Variants in ERN2 observed in about 807,000 individuals in gnomAD.
ERN2 encodes serine/threonine-protein kinase/endoribonuclease IRE2.
Under a neutral mutation model 107.9 loss-of-function variants are expected in ERN2, and 111 were observed. That is an observed-to-expected ratio of 1.03 (90% CI 0.88 to 1.20). The LOEUF (loss-of-function observed/expected upper bound fraction) is 1.20, where lower values mean the gene tolerates loss of function less well. ERN2 is among the 50% of genes most tolerant of loss of function. The pLI is 0.00. For synonymous variants in ERN2, 524 were observed against 501.7 expected (o/e 1.04, Z -0.59); for missense variants, 1,225 against 1,197.9 (o/e 1.02, Z -0.33).
intron 17 of ERN2, among the ~76,000 whole-genome samples, chr16:23,693,972 T>C (rs1959700496): frequency 1.3e-5 from 2 of 152,088 alleles, no homozygotes; most frequent in South Asian, 2.1e-4. Context: ...TCACGGGGTG[T>C]GGGGCCTGGG....
At chr16:23,705,908 CA>C (rs1335726672) in intron 7 of ERN2, among the ~76,000 whole-genome samples, 1 of 151,966 alleles carries the variant, frequency 6.6e-6, no homozygotes, top group Non-Finnish European at 1.5e-5. Flanking sequence ...AGTGAGACCC[CA>C]TCTCACAAAA....
Position 23,701,081 on chromosome 16 carries a change from A to G in ERN2, c.1237T>C (p.Ser413Pro), listed in dbSNP as rs201308255. ...LSLSREKLWD[S>P]ELHPEEKTPD... ...GTTTTTTCTTCTGGATGCAGCTCGGAGTCCCAAAGTTTCTCTCGGCTCAGG... is the reference window on the plus strand; with the variant it reads ...GTTTTTTCTTCTGGATGCAGCTCGGGGTCCCAAAGTTTCTCTCGGCTCAGG... The change falls in exon 12 of 22, where the codon TCC becomes CCC. Residue 413 changes from serine to proline, a missense_variant. Transcript: ENST00000256797. 37 of 1,614,036 alleles carry G rather than the reference A, an allele frequency of 2.3e-5. No individual in the cohort carries two copies. Among genetic ancestry groups the G allele is most frequent in the Admixed American group, 1.3e-4 (8 of 59,998 alleles).
chr16:23,701,343 A>G (rs1960057209), intron 11 of ERN2, among the ~76,000 whole-genome samples: 1 of 152,214 alleles, frequency 6.6e-6, no homozygotes, highest in South Asian at 2.1e-4. Flanking sequence ...TAAAAAATAC[A>G]GGTACTCTTG....
rs7200215 is a variant in ERN2, at chr16:23,707,229, T to A, written c.307-150A>T. 5.4e-3 allele frequency: 3,559 copies of A among 659,074 alleles called. 90 individuals are homozygous for A. In the African/African-American group the frequency reaches 0.056, roughly 10 times the overall value. The allele number at this position is 659,074 out of a possible 1,614,324, so 40.8% of individuals were successfully genotyped here. On this transcript the variant is annotated intron_variant, in intron 4 of 21. Coordinates refer to ENST00000256797, the MANE Select transcript of ERN2 (RefSeq NM_033266.4). ...AGGAAACTGGGGCTTGGAGAGGCCA[T>A]GTAACTTGGCTAATGTCACACAGCT...
rs369510858 is a variant in ERN2, at chr16:23,707,089, G to T, written c.307-10C>A. On this transcript the variant is annotated splice_polypyrimidine_tract_variant and intron_variant, in intron 4 of 21. Coordinates refer to ENST00000256797, the MANE Select transcript of ERN2 (RefSeq NM_033266.4). ...TGGTGAATGGCAGTTTCTAGGAGAC[G>T]GAAAATTTACAGGAAGGAGTAAGAG... 4 of 1,610,258 alleles carry T rather than the reference G, an allele frequency of 2.5e-6. No individual in the cohort carries two copies. The highest frequency in any genetic ancestry group is 3.4e-6 in the Non-Finnish European group (4 of 1,176,574).
Position 23,695,230 on chromosome 16 carries a change from G to A in ERN2, c.1770C>T (p.Ala590=). Residue 590 remains alanine (A), a synonymous_variant, in exon 15 of 22, where the codon GCC becomes GCT. Coordinates refer to ENST00000256797, the MANE Select transcript of ERN2 (RefSeq NM_033266.4). ...GCAAGGAGGCCCGGCAGAGCTCCAG[G>A]GCAATGTAGTGGAACTGGGGTCCCC... is the stretch of plus-strand genomic sequence containing the variant. ...TERGPQFHYI[A]LELCRASLQE... is the part of the protein sequence containing the mutation. The A allele has an allele frequency of 6.2e-7, 1 of 1,614,136 alleles. No homozygotes were observed. Among genetic ancestry groups the A allele is most frequent in the East Asian group, 2.2e-5 (1 of 44,874 alleles).
chr16:23,702,318 T>C, intron 10 of ERN2, 45 bp from the exon 11 acceptor site: 1 of 1,612,122 alleles, frequency 6.2e-7, no homozygotes, highest in South Asian at 1.1e-5. Context: ...GGACCTTAGC[T>C]TTCCAGCTCA....
chr16:23,709,899 G>A (rs1960471560), intron 4 of ERN2: 1 of 372,524 alleles, frequency 2.7e-6, no homozygotes, highest in East Asian at 4.9e-5. Context: ...AAGCTAACTG[G>A]TATATACATT....
Position 23,706,364 on chromosome 16 carries a change from G to A in ERN2, c.555C>T (p.Tyr185=). ...ALRWNTTYRR[Y]SAPPMDGSPG... is the part of the protein sequence containing the mutation. The stretch of plus-strand genomic sequence containing the variant: ...GTGAGCCATCCATGGGGGGCGCTGA[G>A]TAGCGGCGGTAGGTGGTGTTCCAGC... The change falls in exon 7 of 22, where the codon TAC becomes TAT. Residue 185 remains tyrosine (Y), a synonymous_variant. Transcript: ENST00000256797. 6.4e-7 allele frequency: 1 copy of A among 1,562,598 alleles called. No individual in the cohort carries two copies. The highest frequency in any genetic ancestry group is 8.7e-7 in the Non-Finnish European group (1 of 1,155,852).
chr16:23,705,022 C>A lies in ERN2; in HGVS notation c.715G>T (p.Gly239Cys). 2.5e-6 allele frequency: 4 copies of A among 1,613,944 alleles called. No individual in the cohort carries two copies. The South Asian group carries it at 4.4e-5, about 18-fold the overall frequency. ...GTGAGATGCGGCAGCTGGCGCAGGCCGTCCTGGTGCCAGGTGTAGACGCCC... is the reference window on the plus strand; with the variant it reads ...GTGAGATGCGGCAGCTGGCGCAGGCAGTCCTGGTGCCAGGTGTAGACGCCC... ...VMGVYTWHQDGLRQLPHLTLA... is the reference protein window; with the variant it reads ...VMGVYTWHQDCLRQLPHLTLA... The change falls in exon 8 of 22, where the codon GGC becomes TGC. Residue 239 changes from glycine (G) to cysteine (C), a missense_variant. By Grantham distance (159) the Gly-to-Cys change is radical. Coordinates refer to ENST00000256797, the MANE Select transcript of ERN2 (RefSeq NM_033266.4).
rs890063284 is a variant in ERN2, at chr16:23,701,547, G to T, written c.1204-433C>A. On this transcript the variant is annotated intron_variant, in intron 11 of 21. Coordinates refer to ENST00000256797, the MANE Select transcript of ERN2 (RefSeq NM_033266.4). ...TCTCCCAGGAGCACATGCTTTTATA[G>T]TTTTTGTTTTCAATGAATATTTTAC... is the stretch of plus-strand genomic sequence containing the variant. Among the ~76,000 whole-genome samples, 5 of 151,868 alleles carry T rather than the reference G, an allele frequency of 3.3e-5. No individual in the cohort carries two copies. The East Asian group carries it at 9.7e-4, about 29-fold the overall frequency.
intron 6 of ERN2, 56 bp downstream of exon 6, chr16:23,706,698 G>T: frequency 8.0e-7 from 1 of 1,245,268 alleles, no homozygotes; most frequent in Non-Finnish European, 1.2e-6. Context: ...CTAGATCTCA[G>T]CAGAGCAAAA....
chr16:23,707,140 C>G, intron 4 of ERN2, 61 bp from the exon 5 acceptor site: 1 of 1,144,744 alleles, frequency 8.7e-7, no homozygotes, highest in Admixed American at 1.7e-5. Context: ...CTCACTGTGC[C>G]AGGTGAGCCC....
Position 23,691,198 on chromosome 16 carries a change from T to C in ERN2, c.2501-2A>G, listed in dbSNP as rs779415839. 5 of 1,614,076 alleles carry C rather than the reference T, an allele frequency of 3.1e-6. No individual in the cohort carries two copies. Among genetic ancestry groups the C allele is most frequent in the Non-Finnish European group, 4.2e-6 (5 of 1,179,972 alleles). On this transcript the variant is annotated splice_acceptor_variant, in intron 20 of 21. Transcript: ENST00000256797. LOFTEE classifies it high-confidence loss of function. ...TATAGGACCGGAACTTTCTCAGATC[T>C]GTGGACAGGGAATTCAGTGGCAAAA...
At position 23,700,978 on chromosome 16, in the gene ERN2, A is replaced by G. The variant is rs1353402096; in HGVS notation, c.1340T>C (p.Ile447Thr). 1 of 1,614,040 alleles carries G rather than the reference A, an allele frequency of 6.2e-7. No individual in the cohort carries two copies. The highest frequency in any genetic ancestry group is 8.5e-7 in the Non-Finnish European group (1 of 1,179,940). ...SLTAVLLGGW[I>T]LFVMRQQQPQ... ...GCCTACCTGCCTCATCACAAAGAGA[A>G]TCCACCCTCCCAGGAGGACAGCAGT... Residue 447 changes from isoleucine to threonine, a missense_variant, in exon 12 of 22, where the codon ATT becomes ACT. Coordinates refer to ENST00000256797, the MANE Select transcript of ERN2 (RefSeq NM_033266.4).
chr16:23,707,751 C>T (rs775530069), intron 4 of ERN2, among the ~76,000 whole-genome samples: 7 of 152,036 alleles, frequency 4.6e-5, no homozygotes, highest in Non-Finnish European at 7.4e-5. Flanking sequence ...AAAAAAAAGC[C>T]GCACACACAT....
intron 1 of ERN2, 48 bp downstream of exon 1, chr16:23,713,047 G>A (rs990852754): frequency 1.4e-6 from 2 of 1,393,886 alleles, no homozygotes; most frequent in Admixed American, 2.6e-5. Context: ...CGCCCCCTGC[G>A]CCCCGCGACC....
chr16:23,690,443 C>T lies in ERN2; in HGVS notation c.*388G>A, dbSNP rs1959536527. 2.2e-6 allele frequency: 1 copy of T among 454,996 alleles called. No homozygotes were observed. Among genetic ancestry groups the T allele is most frequent in the Non-Finnish European group, 4.0e-6 (1 of 247,978 alleles). The allele number at this position is 454,996 out of a possible 1,614,324, so 28.2% of individuals were successfully genotyped here. ...CTCTGCTTCATCAGCCCCAGGCTGC[C>T]CAGCCTCTGCCAGTCTTGTGGGGGA... On this transcript the variant is annotated 3_prime_UTR_variant, in exon 22 of 22. Transcript: ENST00000256797.
At chr16:23,700,443 C>T in intron 13 of ERN2, 96 bp downstream of exon 13, 2 of 1,264,586 alleles carry the variant, frequency 1.6e-6, no homozygotes, top group Admixed American at 2.2e-5. Context: ...CCTAACCACC[C>T]CACTATAGTG....
Sources: allele counts gnomAD v4.1 joint callset (sites outside exome capture counted in the v4.1 genomes callset), GRCh38; gene constraint gnomAD v4.1.1; transcripts MANE v1.5; gene names NCBI Gene and HGNC (gene_info 2026-07-23, HGNC 2026-07-21).